The following KCNN2 variants were observed in gnomAD, a reference collection of about 807,000 sequenced individuals.
KCNN2 encodes the protein small conductance calcium-activated potassium channel protein 2.
Under a neutral mutation model 55.5 loss-of-function variants are expected in KCNN2, and 24 were observed. That is an observed-to-expected ratio of 0.43 (90% CI 0.31 to 0.61). The LOEUF is 0.61. Among genes scored for constraint, KCNN2 ranks in the 20% least tolerant of loss-of-function variants. The pLI is 0.08. For missense variants in KCNN2, 754 were observed against 853.6 expected, an observed-to-expected ratio of 0.88 and a Z score of 1.45; for synonymous variants, 431 against 336.1, an observed-to-expected ratio of 1.28 and a Z score of -3.09.
intron 1 of KCNN2, among the ~76,000 whole-genome samples, chr5:114,199,892 G>A (rs115892598): frequency 0.016 from 2,424 of 152,112 alleles, 69 homozygotes; most frequent in African/African-American, 0.056. Flanking sequence ...CTAACTAACA[G>A]GGTTTTCTTT....
intron 1 of KCNN2, among the ~76,000 whole-genome samples, chr5:114,095,709 G>A (rs995846898): frequency 3.3e-5 from 5 of 152,032 alleles, no homozygotes; most frequent in African/African-American, 1.2e-4. Flanking sequence ...TCTAGGGCTT[G>A]GCCTACCTAA....
intron 2 of KCNN2, among the ~76,000 whole-genome samples, chr5:114,273,504 C>G (rs1044923031): frequency 6.6e-6 from 1 of 152,190 alleles, no homozygotes; most frequent in Non-Finnish European, 1.5e-5. Context: ...TCCATATCCT[C>G]TCCAGCATCT....
intron 1 of KCNN2, among the ~76,000 whole-genome samples, chr5:114,204,872 G>A (rs1271508395): frequency 6.6e-6 from 1 of 152,184 alleles, no homozygotes; most frequent in Non-Finnish European, 1.5e-5. Flanking sequence ...AATATAACAT[G>A]TCCTTATTAA....
intron 3 of KCNN2, among the ~76,000 whole-genome samples, chr5:114,448,100 C>A (rs1396557831): frequency 6.6e-6 from 1 of 152,106 alleles, no homozygotes; most frequent in Non-Finnish European, 1.5e-5. Context: ...AGTGATTTTT[C>A]TCCAACCATT....
At chr5:114,272,849 T>C (rs1755385638) in intron 2 of KCNN2, among the ~76,000 whole-genome samples, 1 of 152,148 alleles carries the variant, frequency 6.6e-6, no homozygotes, top group African/African-American at 2.4e-5. Flanking sequence ...ACTTGTCTCA[T>C]TCTTTCCAAC....
intron 2 of KCNN2, among the ~76,000 whole-genome samples, chr5:114,232,157 G>T (rs1265528588): frequency 6.6e-6 from 1 of 150,910 alleles, no homozygotes; most frequent in African/African-American, 2.5e-5. Context: ...ATTGTTTCGA[G>T]TTGAAATAGA....
chr5:114,253,085 C>T (rs1185825523), intron 2 of KCNN2, among the ~76,000 whole-genome samples: 1 of 151,194 alleles, frequency 6.6e-6, no homozygotes, highest in Non-Finnish European at 1.5e-5. Context: ...TCAAAAAGAT[C>T]CTTTCCATTT....
chr5:114,100,476 C>A (rs1248658051), intron 1 of KCNN2, among the ~76,000 whole-genome samples: 1 of 151,968 alleles, frequency 6.6e-6, no homozygotes, highest in African/African-American at 2.4e-5. Context: ...TCATGGAAAC[C>A]AGTGTTCTCA....
At chr5:114,256,392 C>T (rs1450733945) in intron 2 of KCNN2, among the ~76,000 whole-genome samples, 1 of 152,134 alleles carries the variant, frequency 6.6e-6, no homozygotes, top group African/African-American at 2.4e-5. Flanking sequence ...TGTGTGGACA[C>T]CCAGTAGTGG....
intron 3 of KCNN2, among the ~76,000 whole-genome samples, chr5:114,437,893 G>C (rs1037925185): frequency 6.6e-6 from 1 of 151,978 alleles, no homozygotes; most frequent in East Asian, 1.9e-4. Flanking sequence ...TTCTTTCTTA[G>C]TTCATTTTCT....
chr5:114,161,560 T>C (rs1752783832), intron 1 of KCNN2, among the ~76,000 whole-genome samples: 1 of 152,184 alleles, frequency 6.6e-6, no homozygotes, highest in African/African-American at 2.4e-5. Context: ...CCTTGCTAGA[T>C]TGGGGAAGTT....
Position 114,102,397 on chromosome 5 carries a change from T to G in KCNN2, c.-271+45897T>G, listed in dbSNP as rs545030616. ...CCCATTCTATAGATTGCCTGTTCAC[T>G]CTAATGATAGTTTCTTTTGCTGTGC... is the stretch of plus-strand genomic sequence containing the variant. On this transcript the variant is annotated intron_variant, in intron 1 of 10. Transcript: ENST00000512097. 7.2e-5 allele frequency among the ~76,000 whole-genome samples: 11 copies of G among 152,114 alleles called. No homozygotes were observed. In the South Asian group the frequency reaches 2.3e-3, roughly 32 times the overall value.
At chr5:114,308,019 A>G (rs1276656018) in intron 2 of KCNN2, among the ~76,000 whole-genome samples, 1 of 152,148 alleles carries the variant, frequency 6.6e-6, no homozygotes, top group Non-Finnish European at 1.5e-5. Flanking sequence ...ATATATATGT[A>G]TATGTGCATA....
intron 2 of KCNN2, among the ~76,000 whole-genome samples, chr5:114,386,368 A>T (rs1758286155): frequency 6.6e-6 from 1 of 152,014 alleles, no homozygotes; most frequent in Non-Finnish European, 1.5e-5. Flanking sequence ...TATCTCCACC[A>T]GGGGCTGGTA....
intron 3 of KCNN2, among the ~76,000 whole-genome samples, chr5:114,405,711 GTTTTGTTTTT>G (rs1758909145): frequency 8.2e-6 from 1 of 121,556 alleles, no homozygotes; most frequent in South Asian, 2.4e-4. Flanking sequence ...GTTTTGTTTT[GTTTTGTTTTT>G]TTTTTTTGAG....
chr5:114,177,101 T>A (rs1300465657), intron 1 of KCNN2, among the ~76,000 whole-genome samples: 1 of 151,698 alleles, frequency 6.6e-6, no homozygotes, highest in African/African-American at 2.4e-5. Context: ...ATATAAGATA[T>A]CAAGTGTTGG....
At chr5:114,361,540 G>T (rs1757421933), upstream of KCNN2, among the ~76,000 whole-genome samples, 1 of 152,200 alleles carries the variant, frequency 6.6e-6, no homozygotes, top group Admixed American at 6.5e-5. Context: ...ACTCTCGGCG[G>T]GATGATCTGG....
chr5:114,058,040 A>C (rs1339558177), intron 1 of KCNN2, among the ~76,000 whole-genome samples: 3 of 152,212 alleles, frequency 2.0e-5, no homozygotes, highest in African/African-American at 7.2e-5. Flanking sequence ...CAACAGTTCA[A>C]CTTGCTTTTA....
At chr5:114,295,568 G>A (rs1352289943) in intron 2 of KCNN2, among the ~76,000 whole-genome samples, 1 of 152,188 alleles carries the variant, frequency 6.6e-6, no homozygotes, top group Non-Finnish European at 1.5e-5. Flanking sequence ...CAGTATTAGG[G>A]TGGGAGTGAC....
Sources: gnomAD v4.1 joint callset for allele counts (sites outside exome capture counted in the v4.1 genomes callset) on GRCh38, gnomAD v4.1.1 for gene constraint, MANE v1.5 for transcripts, NCBI Gene and HGNC (gene_info 2026-07-23, HGNC 2026-07-21) for gene names.